The following TENM1 variants were observed in gnomAD, a reference collection of about 807,000 sequenced individuals.
TENM1 encodes the protein teneurin transmembrane protein 1.
Under a neutral mutation model 174.8 loss-of-function variants are expected in TENM1, and 35 were observed. The ratio of observed to expected loss-of-function variants is 0.20; its 90% confidence interval spans 0.15 to 0.27. The LOEUF (loss-of-function observed/expected upper bound fraction) is 0.27, where lower values mean the gene tolerates loss of function less well. Among genes scored for constraint, TENM1 ranks in the 10% least tolerant of loss-of-function variants. The pLI is 1.00. For synonymous variants in TENM1, 781 were observed against 798.7 expected, an observed-to-expected ratio of 0.98 and a Z score of 0.37; for missense variants, 1,633 against 2,130.1, an observed-to-expected ratio of 0.77 and a Z score of 4.59.
intron 3 of TENM1, among the ~76,000 whole-genome samples, chrX:124,783,406 G>A (rs2054961730): frequency 9.0e-6 from 1 of 111,598 alleles, no homozygotes; most frequent in African/African-American, 3.3e-5. Flanking sequence ...TATAAAAATT[G>A]CTTAGAACAA....
At position 124,787,105 on chromosome X, in the gene TENM1, C is replaced by G. The variant is rs182095151; in HGVS notation, c.536-49908G>C. ...ATAAAAAATATTATTGCCCACTCAACACAACTCTCAAAGTATTATGCAACA... is the reference window on the plus strand; with the variant it reads ...ATAAAAAATATTATTGCCCACTCAAGACAACTCTCAAAGTATTATGCAACA... On this transcript the variant is annotated intron_variant, in intron 3 of 31. Transcript: ENST00000422452. 1.1e-4 allele frequency among the ~76,000 whole-genome samples: 12 copies of G among 111,460 alleles called. No homozygotes were observed. The East Asian group carries it at 3.4e-3, about 31-fold the overall frequency.
At chrX:124,807,993 C>A (rs1015118301) in intron 3 of TENM1, among the ~76,000 whole-genome samples, 1 of 110,245 alleles carries the variant, frequency 9.1e-6, no homozygotes, top group Non-Finnish European at 1.9e-5. Flanking sequence ...TAAGTCCTCA[C>A]CTTGAATGTA....
intron 13 of TENM1, among the ~76,000 whole-genome samples, chrX:124,563,319 G>A (rs2048863155): frequency 9.2e-6 from 1 of 108,427 alleles, no homozygotes; most frequent in African/African-American, 3.3e-5. Context: ...TGGACTTGGA[G>A]CCATATTGTT....
At chrX:124,491,701 T>C (rs888996412) in intron 20 of TENM1, among the ~76,000 whole-genome samples, 1 of 111,941 alleles carries the variant, frequency 8.9e-6, no homozygotes, top group African/African-American at 3.2e-5. Context: ...CCTTGTTCTA[T>C]CAATGGAAAT....
intron 21 of TENM1, among the ~76,000 whole-genome samples, chrX:124,483,414 C>A (rs2046887341): frequency 8.9e-6 from 1 of 112,202 alleles, no homozygotes; most frequent in African/African-American, 3.2e-5. Context: ...CTGATATGTT[C>A]ATTGCCCATA....
chrX:125,134,801 T>G, the TENM1 span, among the ~76,000 whole-genome samples: 1 of 111,983 alleles, frequency 8.9e-6, no homozygotes, highest in Non-Finnish European at 1.9e-5. Context: ...GCTCAAAAGT[T>G]CTCATAATAG....
At chrX:124,782,359 G>C (rs1331361229) in intron 3 of TENM1, among the ~76,000 whole-genome samples, 2 of 110,885 alleles carry the variant, frequency 1.8e-5, no homozygotes, top group Non-Finnish European at 3.8e-5. Context: ...CAAATTTCTT[G>C]GAACAACACC....
chrX:125,118,510 A>G, the TENM1 span, among the ~76,000 whole-genome samples: 3 of 111,920 alleles, frequency 2.7e-5, no homozygotes, highest in Admixed American at 2.9e-4. Context: ...TGCAATACAT[A>G]TATCTGGCAA....
intron 3 of TENM1, among the ~76,000 whole-genome samples, chrX:124,739,264 G>T (rs1051100313): frequency 3.6e-5 from 4 of 111,830 alleles, no homozygotes; most frequent in African/African-American, 1.3e-4. Context: ...ATGTGCTTGA[G>T]CATGCATTTT....
chrX:124,671,913 T>A, intron 5 of TENM1, 78 bp from the exon 9 acceptor site: 1 of 1,069,045 alleles, frequency 9.4e-7, no homozygotes. Flanking sequence ...CCTTTGCACC[T>A]AAAAATGTTA....
intron 1 of TENM1, among the ~76,000 whole-genome samples, chrX:124,901,278 T>C (rs941861218): frequency 1.8e-5 from 2 of 110,926 alleles, no homozygotes; most frequent in East Asian, 5.7e-4. Context: ...AGGACCACCT[T>C]AGACATCTAC....
chrX:124,665,673 C>T (rs1318907989), intron 6 of TENM1, among the ~76,000 whole-genome samples: 2 of 111,889 alleles, frequency 1.8e-5, no homozygotes, highest in East Asian at 2.8e-4. Flanking sequence ...TGAACACTAA[C>T]GCATAGTGTG....
At chrX:124,646,899 C>T in intron 8 of TENM1, 89 bp from the exon 12 acceptor site, 1 of 631,075 alleles carries the variant, frequency 1.6e-6, no homozygotes, top group Non-Finnish European at 2.4e-6. Context: ...GAACTCTGGA[C>T]CTATGACAAT....
At chrX:124,911,092 T>G (rs942205098) in intron 1 of TENM1, among the ~76,000 whole-genome samples, 5 of 110,148 alleles carry the variant, frequency 4.5e-5, no homozygotes, top group Non-Finnish European at 7.6e-5. Flanking sequence ...ATTTTTTAAT[T>G]TTTTATACAG....
At chrX:125,032,923 T>G in the TENM1 span, among the ~76,000 whole-genome samples, 2 of 111,900 alleles carry the variant, frequency 1.8e-5, no homozygotes, top group African/African-American at 6.5e-5. Context: ...CAGAAAATAT[T>G]GATGGAGGGT....
intron 3 of TENM1, among the ~76,000 whole-genome samples, chrX:124,803,710 T>A (rs986413747): frequency 1.8e-5 from 2 of 112,520 alleles, no homozygotes; most frequent in Non-Finnish European, 3.8e-5. Context: ...TTGAATACAT[T>A]GCACTTAACC....
intron 27 of TENM1, among the ~76,000 whole-genome samples, chrX:124,397,725 G>A (rs917849769): frequency 9.1e-6 from 1 of 109,629 alleles, no homozygotes; most frequent in Non-Finnish European, 1.9e-5. Flanking sequence ...AGCCTCCTGA[G>A]TAGCTGGGAT....
At chrX:125,181,578 G>A in the TENM1 span, among the ~76,000 whole-genome samples, 1 of 111,578 alleles carries the variant, frequency 9.0e-6, no homozygotes, top group East Asian at 2.8e-4. Context: ...TTCCTGCTGC[G>A]GGTGTCCCAT....
intron 14 of TENM1, among the ~76,000 whole-genome samples, chrX:124,555,068 C>T (rs1027372927): frequency 5.4e-5 from 6 of 111,792 alleles, no homozygotes. Context: ...ACTTTCCTTC[C>T]TCCATAAGTC....
Sources: gnomAD v4.1 joint callset for allele counts (sites outside exome capture counted in the v4.1 genomes callset) on GRCh38, gnomAD v4.1.1 for gene constraint, MANE v1.5 for transcripts, NCBI Gene and HGNC (gene_info 2026-07-23, HGNC 2026-07-21) for gene names.